The following USP47 variants were observed in gnomAD, a reference collection of about 807,000 sequenced individuals.
USP47 encodes the protein ubiquitin specific peptidase 47, also known as ubiquitin carboxyl-terminal hydrolase 47.
USP47 carries 35 observed loss-of-function variants against 165.1 expected under a neutral mutation model. The observed-to-expected ratio is 0.21, with a 90% CI of 0.16 to 0.28. The LOEUF is 0.28. Ranked by LOEUF, USP47 falls within the 10% of genes least tolerant of loss-of-function variation. The pLI is 1.00. For synonymous variants in USP47, 531 were observed against 544.5 expected, an observed-to-expected ratio of 0.98 and a Z score of 0.35; for missense variants, 1,277 against 1,607.4, an observed-to-expected ratio of 0.79 and a Z score of 3.52.
rs1847274202 is a variant in USP47, at chr11:11,957,818, T to C, written c.*1643T>C. The C allele has an allele frequency of 2.0e-5, 3 of 152,052 alleles. No individual in the cohort carries two copies. The highest frequency in any genetic ancestry group is 7.2e-5 in the African/African-American group (3 of 41,404). 9.4% of individuals were successfully genotyped at this position (152,052 alleles called of 1,614,324 possible). ...TTGAATATAATCACCGAGAATTCCATGTCTTAAAAGTCTCCTGGAATCCAC... is the reference window on the plus strand; with the variant it reads ...TTGAATATAATCACCGAGAATTCCACGTCTTAAAAGTCTCCTGGAATCCAC... On this transcript the variant is annotated 3_prime_UTR_variant, in exon 28 of 28. Transcript: ENST00000527733.
At chr11:11,951,777 A>G (rs1421928621) in intron 24 of USP47, 4 of 152,152 alleles carry the variant, frequency 2.6e-5, no homozygotes, top group Admixed American at 1.3e-4. Context: ...GAGGTAAGGA[A>G]CAACTAGGAT....
At chr11:11,892,905 A>C (rs1162033575) in intron 4 of USP47, among the ~76,000 whole-genome samples, 7 of 151,892 alleles carry the variant, frequency 4.6e-5, no homozygotes, top group Admixed American at 1.3e-4. Context: ...AAATTTTTAA[A>C]GTGGACTTCC....
At chr11:11,846,741 T>C (rs7941549) in intron 1 of USP47, among the ~76,000 whole-genome samples, 9,550 of 152,254 alleles carry the variant, frequency 0.063, 805 homozygotes, top group African/African-American at 0.19. Context: ...TTCTATTGTC[T>C]GACTTCTTAT....
intron 20 of USP47, 29 bp downstream of exon 20, chr11:11,943,141 T>C: frequency 1.3e-6 from 2 of 1,565,210 alleles, no homozygotes; most frequent in Non-Finnish European, 1.7e-6. Flanking sequence ...AAACGGTCCT[T>C]GAAACAGCAT....
chr11:11,949,754 AAAAAGG>A, intron 22 of USP47, 129 bp from the exon 23 acceptor site: 1 of 596,772 alleles, frequency 1.7e-6, no homozygotes, highest in Non-Finnish European at 2.8e-6. Flanking sequence ...TAAGGTTTCA[AAAAAGG>A]AAGATAGACT....
chr11:11,902,807 G>C lies in USP47; in HGVS notation c.686G>C (p.Arg229Thr). Residue 229 changes from arginine (R) to threonine (T), a missense_variant, in exon 6 of 28, where the codon AGA (arginine) becomes ACA (threonine). Arg to Thr is a moderately conservative substitution (Grantham distance 71). This residue lies in a region of USP47 where 175 missense variants were observed against 295.8 expected (regional missense o/e 0.59). Coordinates refer to ENST00000527733, the MANE Select transcript of USP47 (RefSeq NM_001282659.2). ...GTTTTGTTACAAACCAGCAAAAAGA[G>C]AGCAATTGAAACCACAGATGTTACA... The part of the protein sequence containing the change: ...LFVLLQTSKK[R>T]AIETTDVTRS... 1 of 1,603,552 alleles carries C rather than the reference G, an allele frequency of 6.2e-7. No individual in the cohort carries two copies. The highest frequency in any genetic ancestry group is 8.5e-7 in the Non-Finnish European group (1 of 1,174,224).
intron 23 of USP47, among the ~76,000 whole-genome samples, 170 bp downstream of exon 23, chr11:11,950,174 T>C (rs1208258966): frequency 6.6e-6 from 1 of 152,234 alleles, no homozygotes; most frequent in Non-Finnish European, 1.5e-5. Flanking sequence ...AAATTTTGTT[T>C]GGATTTCCTA....
chr11:11,954,803 C>T, intron 25 of USP47, 94 bp from the exon 26 acceptor site: 2 of 1,365,104 alleles, frequency 1.5e-6, no homozygotes, highest in Non-Finnish European at 2.0e-6. Flanking sequence ...ATTTTTTAAA[C>T]TGAGCTATTT....
At chr11:11,943,289 G>A in intron 20 of USP47, 177 bp downstream of exon 20, 3 of 531,150 alleles carry the variant, frequency 5.6e-6, no homozygotes, top group Non-Finnish European at 9.2e-6. Flanking sequence ...CAGTAAATTA[G>A]ATGGTAATTA....
At chr11:11,949,293 T>C (rs911377300) in intron 22 of USP47, among the ~76,000 whole-genome samples, 6 of 152,162 alleles carry the variant, frequency 3.9e-5, no homozygotes, top group African/African-American at 1.4e-4. Flanking sequence ...ATTTTCAGAA[T>C]GTTATAACAT....
In USP47 at chr11:11,954,914, G is replaced by A. The variant is rs199525620; in HGVS notation, c.3732G>A (p.Gly1244=). ...TTTTACAGCTTAGTGAAATCAGTGG[G>A]ATTCCTTTGGATGATATTGAATTTG... is the stretch of plus-strand genomic sequence containing the variant. ...ELREKLSEIS[G]IPLDDIEFAK... The change falls in exon 26 of 28, where the codon GGG becomes GGA. Residue 1244 remains glycine, a synonymous_variant. Coordinates refer to ENST00000527733, the MANE Select transcript of USP47 (RefSeq NM_001282659.2). 98 of 1,613,614 alleles carry A rather than the reference G, an allele frequency of 6.1e-5. No individual in the cohort carries two copies. Among genetic ancestry groups the A allele is most frequent in the Admixed American group, 3.0e-4 (18 of 59,978 alleles).
intron 1 of USP47, among the ~76,000 whole-genome samples, chr11:11,878,018 C>G (rs892283303): frequency 1.3e-5 from 2 of 151,788 alleles, no homozygotes; most frequent in Non-Finnish European, 2.9e-5. Context: ...AGGGCTATTA[C>G]TAAAAAGAAT....
chr11:11,903,087 A>G (rs61070634), intron 6 of USP47, among the ~76,000 whole-genome samples, 176 bp from the exon 7 acceptor site: 4,895 of 152,074 alleles, frequency 0.032, 260 homozygotes, highest in African/African-American at 0.11. Context: ...GCTGCAATCT[A>G]TTTTCTGGCG....
chr11:11,960,782 A>C lies in USP47; in HGVS notation c.*4607A>C, dbSNP rs1462667576. 6.6e-6 allele frequency among the ~76,000 whole-genome samples: 1 copy of C among 152,192 alleles called. No individual in the cohort carries two copies. Among genetic ancestry groups the C allele is most frequent in the Non-Finnish European group, 1.5e-5 (1 of 68,042 alleles). ...TTAGAAACCAAGCATAGCTATCAAA[A>C]AGTAATCTCCAAATAGTTGAATTGC... On this transcript the variant is annotated 3_prime_UTR_variant, in exon 28 of 28. Transcript: ENST00000527733.
At chr11:11,870,567 A>G (rs1173445516) in intron 1 of USP47, among the ~76,000 whole-genome samples, 1 of 152,048 alleles carries the variant, frequency 6.6e-6, no homozygotes, top group Non-Finnish European at 1.5e-5. Flanking sequence ...GTTTTCCTTC[A>G]TCTGAGAATG....
In USP47 at chr11:11,920,326, GTTGT is replaced by G. The variant is rs1853740150; in HGVS notation, c.1066-9_1066-6del. 6.2e-7 allele frequency: 1 copy of G among 1,602,706 alleles called. No individual in the cohort carries two copies. The highest frequency in any genetic ancestry group is 8.5e-7 in the Non-Finnish European group (1 of 1,175,756). The stretch of plus-strand genomic sequence containing the variant: ...TATTCAATAGACTCTCCCCCTTTTT[GTTGT>G]TTGTTTTTTAGGGCCTTCGGTTTTT... On this transcript the variant is annotated splice_polypyrimidine_tract_variant and intron_variant, in intron 9 of 27. Transcript: ENST00000527733.
chr11:11,902,959 A>T, intron 6 of USP47, 99 bp downstream of exon 6: 2 of 1,279,274 alleles, frequency 1.6e-6, no homozygotes, highest in South Asian at 4.1e-5. Context: ...CTTTATCTTA[A>T]ACCTTTCATT....
chr11:11,927,991 C>T (rs1343337954), intron 11 of USP47, among the ~76,000 whole-genome samples: 1 of 152,002 alleles, frequency 6.6e-6, no homozygotes, highest in East Asian at 1.9e-4. Context: ...GTGATTCAGT[C>T]TTCTGAATAT....
chr11:11,913,489 T>G (rs1431871059), intron 8 of USP47, among the ~76,000 whole-genome samples: 1 of 151,690 alleles, frequency 6.6e-6, no homozygotes, highest in East Asian at 1.9e-4. Flanking sequence ...TTGAAAAGAT[T>G]ATGTTAAATA....
Sources: allele counts gnomAD v4.1 joint callset (sites outside exome capture counted in the v4.1 genomes callset), GRCh38; gene constraint gnomAD v4.1.1; regional missense constraint gnomAD v4.1.1; transcripts MANE v1.5; gene names NCBI Gene and HGNC (gene_info 2026-07-23, HGNC 2026-07-21).